SLC25A41: variants seen among roughly 807,000 people sequenced by gnomAD.
SLC25A41 encodes solute carrier family 25 member 41.
In SLC25A41, 35 loss-of-function variants were observed where a neutral mutation model predicts 34.7. The observed-to-expected ratio is 1.01, with a 90% CI of 0.77 to 1.34. SLC25A41 has a LOEUF of 1.34. Among genes scored for constraint, SLC25A41 ranks in the 40% most tolerant of loss-of-function variants. The pLI is 0.00. For synonymous variants in SLC25A41, 190 were observed against 209.9 expected (o/e 0.91, Z 0.82); for missense variants, 492 against 489.8 (o/e 1.00, Z -0.04).
At chr19:6,434,600 A>T (rs1189058163), upstream of SLC25A41, among the ~76,000 whole-genome samples, 1 of 152,074 alleles carries the variant, frequency 6.6e-6, no homozygotes, top group Non-Finnish European at 1.5e-5. Flanking sequence ...AGGGGAATTA[A>T]GTTTGCAGAT....
upstream of SLC25A41, among the ~76,000 whole-genome samples, chr19:6,435,772 C>T (rs916042585): frequency 2.0e-5 from 3 of 151,878 alleles, no homozygotes; most frequent in African/African-American, 7.3e-5. Context: ...GGGGAGGCTC[C>T]CTTGAGCACA....
At chr19:6,429,074 A>ATATATATTACATATATGTT (rs1491555943) in intron 4 of SLC25A41, among the ~76,000 whole-genome samples, 1 of 57,256 alleles carries the variant, frequency 1.7e-5, no homozygotes, top group Non-Finnish European at 2.7e-5. Flanking sequence ...ATATATATAT[A>ATATATATTACATATATGTT]ATATATATAT....
rs201668031 is a variant in SLC25A41 at position 6,430,060 on chromosome 19, G to A, written c.465C>T (p.Asn155=). 3 of 1,611,832 alleles carry A rather than the reference G, an allele frequency of 1.9e-6. No individual in the cohort carries two copies. The highest frequency in any genetic ancestry group is 1.3e-5 in the African/African-American group (1 of 74,962). ...CATACTCAGGAGCAATCTTGAGCACGTTGATGCCGTTGCCCCGCCACAGGG... is the reference window on the plus strand; with the variant it reads ...CATACTCAGGAGCAATCTTGAGCACATTGATGCCGTTGCCCCGCCACAGGG... ...FRSLWRGNGI[N]VLKIAPEYAI... is the part of the protein sequence containing the mutation. The change falls in exon 3 of 7, where the codon AAC becomes AAT. Residue 155 remains asparagine (N), a synonymous_variant. Coordinates refer to ENST00000321510, the MANE Select transcript of SLC25A41 (RefSeq NM_173637.4).
chr19:6,431,918 T>C, intron 2 of SLC25A41, 131 bp downstream of exon 2: 1 of 1,115,360 alleles, frequency 9.0e-7, no homozygotes, highest in East Asian at 2.7e-5. Flanking sequence ...TCTCAGCTAG[T>C]CCAGGAGAGC....
intron 4 of SLC25A41, among the ~76,000 whole-genome samples, chr19:6,429,396 A>AGG (rs2092271235): frequency 5.2e-4 from 1 of 1,916 alleles, no homozygotes; most frequent in Non-Finnish European, 8.6e-4. Context: ...AGGGGAGGAG[A>AGG]AGGGAGAAAG....
chr19:6,428,718 TA>T (rs1434342637), intron 4 of SLC25A41, among the ~76,000 whole-genome samples: 28 of 137,834 alleles, frequency 2.0e-4, no homozygotes, highest in Admixed American at 8.1e-4. Context: ...TATATATATA[TA>T]TATTTTTTTT....
chr19:6,426,250 A>ACCCCCC lies in SLC25A41; in HGVS notation c.*138_*139insGGGGGG. On this transcript the variant is annotated 3_prime_UTR_variant, in exon 7 of 7. Transcript: ENST00000321510. ...CAGGAATCTTCTGACCCAGAGCCCC[A>ACCCCCC]CCCCCACCCCCAGCCTGCTTTTGCC... The ACCCCCC allele has an allele frequency of 9.8e-6, 1 of 101,622 alleles. No individual in the cohort carries two copies. Among genetic ancestry groups the ACCCCCC allele is most frequent in the Non-Finnish European group, 1.8e-5 (1 of 55,256 alleles). 6.3% of individuals were successfully genotyped at this position (101,622 alleles called of 1,614,324 possible).
intron 4 of SLC25A41, among the ~76,000 whole-genome samples, chr19:6,428,360 C>T (rs183866882): frequency 3.4e-5 from 5 of 147,810 alleles, no homozygotes; most frequent in Admixed American, 6.8e-5. Context: ...GAGTCAAGAT[C>T]GTGCCACTGC....
At chr19:6,431,222 C>T (rs1347067306) in intron 2 of SLC25A41, among the ~76,000 whole-genome samples, 1 of 151,896 alleles carries the variant, frequency 6.6e-6, no homozygotes, top group Non-Finnish European at 1.5e-5. Flanking sequence ...AGTAATCCTC[C>T]CTCCTTGGCC....
rs2092251541 is a variant in SLC25A41 at position 6,427,917 on chromosome 19, G to C, written c.625-416C>G. On this transcript the variant is annotated intron_variant, in intron 4 of 6. Coordinates refer to ENST00000321510, the MANE Select transcript of SLC25A41 (RefSeq NM_173637.4). This position sits in a 1 kb window ranked among gnomAD's most constrained non-coding sequence, Gnocchi z 4.9. Reference sequence around the variant, plus strand: ...TGATTAAGAATAACAGGGAAGGGAGGCGAGAAAACATGCCCTCAAGCCTCA... The same window carrying C: ...TGATTAAGAATAACAGGGAAGGGAGCCGAGAAAACATGCCCTCAAGCCTCA... Among the ~76,000 whole-genome samples, 1 of 152,122 alleles carries C rather than the reference G, an allele frequency of 6.6e-6. No individual in the cohort carries two copies. Among genetic ancestry groups the C allele is most frequent in the Non-Finnish European group, 1.5e-5 (1 of 68,024 alleles).
At chr19:6,432,647 G>C (rs957588351) in intron 1 of SLC25A41, among the ~76,000 whole-genome samples, 8 of 150,514 alleles carry the variant, frequency 5.3e-5, no homozygotes, top group Non-Finnish European at 1.0e-4. Context: ...CTGGAGTACA[G>C]TGGTGCGATC....
chr19:6,432,573 C>T (rs111329257), intron 1 of SLC25A41, among the ~76,000 whole-genome samples: 24 of 149,114 alleles, frequency 1.6e-4, no homozygotes, highest in African/African-American at 5.5e-4. Flanking sequence ...TCAACCCTCC[C>T]CCCTGGTTTT....
chr19:6,436,095 T>A (rs2092310942), upstream of SLC25A41: 1 of 204,470 alleles, frequency 4.9e-6, no homozygotes, highest in South Asian at 8.5e-5. Flanking sequence ...TGTAGGTATA[T>A]ATGTATTAGC....
chr19:6,429,904 C>T, intron 3 of SLC25A41, 73 bp from the exon 4 acceptor site: 2 of 1,590,406 alleles, frequency 1.3e-6, no homozygotes, highest in Non-Finnish European at 1.7e-6. Context: ...GGGAAGAGGC[C>T]TGGGGTCTGG....
Position 6,427,305 on chromosome 19 carries a change from C to T in SLC25A41, c.792+29G>A, listed in dbSNP as rs2092247048. On this transcript the variant is annotated intron_variant, in intron 5 of 6. Transcript: ENST00000321510. This position sits in a 1 kb window ranked among gnomAD's most constrained non-coding sequence, Gnocchi z 4.9. The stretch of plus-strand genomic sequence containing the variant: ...CACTAGGAGCCTGGGCTCCGGCCAG[C>T]CCTGCCACCCCCTCTGCAGGACCCA... 7 of 1,605,244 alleles carry T rather than the reference C, an allele frequency of 4.4e-6. No homozygotes were observed. In the East Asian group the frequency reaches 1.6e-4, roughly 36 times the overall value.
Position 6,427,062 on chromosome 19 carries a change from G to A in SLC25A41, c.940+41C>T, listed in dbSNP as rs1470539925. Reference sequence around the variant, plus strand: ...AAAATTGAGACAGCCAGGGTGGGGCGGGGAAGGGGCATGCGTGGTGGCCGC... The same window carrying A: ...AAAATTGAGACAGCCAGGGTGGGGCAGGGAAGGGGCATGCGTGGTGGCCGC... On this transcript the variant is annotated intron_variant, in intron 6 of 6. Transcript: ENST00000321510. This position sits in a 1 kb window ranked among gnomAD's most constrained non-coding sequence, Gnocchi z 4.9. The A allele has an allele frequency of 1.2e-5, 19 of 1,554,226 alleles. No individual in the cohort carries two copies. The highest frequency in any genetic ancestry group is 2.4e-5 in the East Asian group (1 of 41,972).
At chr19:6,433,825 C>T, upstream of SLC25A41, 2 of 716,498 alleles carry the variant, frequency 2.8e-6, no homozygotes, top group Non-Finnish European at 4.4e-6. Flanking sequence ...GCCCCTGTGA[C>T]CTTCCTAGGT....
At chr19:6,429,198 A>T (rs1327765086) in intron 4 of SLC25A41, among the ~76,000 whole-genome samples, 1 of 79,434 alleles carries the variant, frequency 1.3e-5, no homozygotes, top group East Asian at 3.7e-4. Context: ...TATATATATA[A>T]TATATATGTT....
chr19:6,430,268 A>ACCCATC, intron 2 of SLC25A41, 107 bp from the exon 3 acceptor site: 1 of 1,253,072 alleles, frequency 8.0e-7, no homozygotes, highest in Non-Finnish European at 1.1e-6. Context: ...CCCAACCCCA[A>ACCCATC]CCCATCCCCA....
Sources: allele counts gnomAD v4.1 joint callset (sites outside exome capture counted in the v4.1 genomes callset), GRCh38; gene constraint gnomAD v4.1.1; non-coding constraint Gnocchi (gnomAD v3.1); transcripts MANE v1.5; gene names NCBI Gene and HGNC (gene_info 2026-07-23, HGNC 2026-07-21).